Variants in POU6F2 observed in about 807,000 individuals in gnomAD.
The protein encoded by POU6F2 is POU class 6 homeobox 2, also known as POU domain, class 6, transcription factor 2.
Under a neutral mutation model 71.3 loss-of-function variants are expected in POU6F2, and 31 were observed. That is an observed-to-expected ratio of 0.43 (90% CI 0.33 to 0.59). The LOEUF (loss-of-function observed/expected upper bound fraction) is 0.59, where lower values mean the gene tolerates loss of function less well. Ranked by LOEUF, POU6F2 falls within the 20% of genes least tolerant of loss-of-function variation. POU6F2 has a pLI of 0.04. For synonymous variants in POU6F2, 347 were observed against 355.7 expected (o/e 0.98, Z 0.27); for missense variants, 783 against 856.8 (o/e 0.91, Z 1.07).
chr7:39,087,734 C>A (rs567735004), intron 2 of POU6F2, among the ~76,000 whole-genome samples: 1 of 152,272 alleles, frequency 6.6e-6, no homozygotes, highest in East Asian at 1.9e-4. Flanking sequence ...CTAAACTTTG[C>A]ATGCATTTAA....
chr7:39,066,913 A>G (rs1242858936), intron 1 of POU6F2, among the ~76,000 whole-genome samples: 2 of 147,902 alleles, frequency 1.4e-5, no homozygotes, highest in Non-Finnish European at 3.0e-5. Flanking sequence ...ATAATATCAT[A>G]TTATTATAAC....
At chr7:39,286,954 T>TC (rs1784661666) in intron 4 of POU6F2, among the ~76,000 whole-genome samples, 1 of 136,878 alleles carries the variant, frequency 7.3e-6, no homozygotes, top group African/African-American at 2.6e-5. Context: ...TTTTTTTTTT[T>TC]CCATAAGGCA....
chr7:39,433,397 A>C, intron 7 of POU6F2, 114 bp downstream of exon 7: 15 of 1,124,044 alleles, frequency 1.3e-5, no homozygotes, highest in East Asian at 2.6e-5. Flanking sequence ...AGTTGATCTC[A>C]CTCATCTGAA....
intron 6 of POU6F2, among the ~76,000 whole-genome samples, chr7:39,432,601 A>G (rs1788133416): frequency 6.6e-6 from 1 of 151,978 alleles, no homozygotes; most frequent in African/African-American, 2.4e-5. Flanking sequence ...CGACATTGAG[A>G]GAGGAGCTGG....
chr7:39,004,270 G>A (rs1788993486), intron 1 of POU6F2, among the ~76,000 whole-genome samples: 1 of 152,080 alleles, frequency 6.6e-6, no homozygotes, highest in Non-Finnish European at 1.5e-5. Context: ...CAAGCTTTAG[G>A]GAGTTGGATT....
At chr7:39,228,665 A>T (rs1562755271) in intron 4 of POU6F2, among the ~76,000 whole-genome samples, 1 of 152,240 alleles carries the variant, frequency 6.6e-6, no homozygotes, top group Non-Finnish European at 1.5e-5. Context: ...TTGGCTTTCC[A>T]TCCTGTCCAT....
intron 5 of POU6F2, among the ~76,000 whole-genome samples, chr7:39,405,703 A>C (rs541386674): frequency 3.9e-5 from 6 of 152,216 alleles, no homozygotes; most frequent in Admixed American, 2.6e-4. Context: ...TTGAAGCCAC[A>C]CTTCTGCCTC....
chr7:39,460,579 G>T lies in POU6F2; in HGVS notation c.1522G>T (p.Val508Phe). 1 of 1,613,630 alleles carries T rather than the reference G, an allele frequency of 6.2e-7. No homozygotes were observed. Among genetic ancestry groups the T allele is most frequent in the Non-Finnish European group, 8.5e-7 (1 of 1,179,778 alleles). ...AACGGCAGCGGGTGAGGTGGATGGG[G>T]TTAATCTGGAGGAGATCCGAGAATT... is the stretch of plus-strand genomic sequence containing the variant. Reference protein sequence around the residue: ...PQTAAGEVDGVNLEEIREFAK... With the variant: ...PQTAAGEVDGFNLEEIREFAK... Residue 508 changes from valine (V) to phenylalanine (F), a missense_variant, in exon 9 of 10, where the codon GTT becomes TTT. Transcript: ENST00000518318. This position sits in a 1 kb window ranked among gnomAD's most constrained non-coding sequence, Gnocchi z 4.4.
chr7:39,004,489 CCCA>C (rs1789001215), intron 1 of POU6F2, among the ~76,000 whole-genome samples: 2 of 152,142 alleles, frequency 1.3e-5, no homozygotes, highest in Non-Finnish European at 2.9e-5. Context: ...CCAGGACAAG[CCCA>C]GTGAATGAGC....
chr7:39,244,041 T>C (rs1783774618), intron 4 of POU6F2, among the ~76,000 whole-genome samples: 5 of 152,166 alleles, frequency 3.3e-5, no homozygotes, highest in Admixed American at 3.3e-4. Flanking sequence ...CCTGGTAATG[T>C]CCATTATAAG....
chr7:39,372,224 G>A (rs1439629125), intron 5 of POU6F2, among the ~76,000 whole-genome samples: 1 of 152,076 alleles, frequency 6.6e-6, no homozygotes, highest in Admixed American at 6.6e-5. Flanking sequence ...CCTGGCCAAG[G>A]ATATTCTTTA....
chr7:38,990,146 A>AT (rs1788568788), intron 1 of POU6F2, among the ~76,000 whole-genome samples: 1 of 152,116 alleles, frequency 6.6e-6, no homozygotes. Flanking sequence ...TTCTAAATTC[A>AT]TTTTTATGAA....
At chr7:39,447,585 A>G (rs1788553870) in intron 7 of POU6F2, among the ~76,000 whole-genome samples, 1 of 152,234 alleles carries the variant, frequency 6.6e-6, no homozygotes, top group African/African-American at 2.4e-5. Flanking sequence ...AGGATTTTAA[A>G]TAATATACAC....
chr7:39,283,452 AACC>A (rs1278112974), intron 4 of POU6F2, among the ~76,000 whole-genome samples: 11 of 152,166 alleles, frequency 7.2e-5, no homozygotes, highest in Non-Finnish European at 1.5e-4. Flanking sequence ...AGCCCTTGAC[AACC>A]ACCATTCTAC....
intron 2 of POU6F2, among the ~76,000 whole-genome samples, chr7:39,200,150 T>C (rs1793868221): frequency 6.6e-6 from 1 of 152,220 alleles, no homozygotes; most frequent in Non-Finnish European, 1.5e-5. Context: ...CAGACCCATC[T>C]GCCATTCAGA....
In POU6F2 at chr7:39,084,099, C is replaced by T. The variant is rs568609506; in HGVS notation, c.106-1761C>T. ...AAGCCAGTCTTTCTCTCTCCCTCAT[C>T]CCCCTCCTTTCTCGCTGTCTCTCTC... On this transcript the variant is annotated intron_variant, in intron 1 of 9. Transcript: ENST00000518318. Among the ~76,000 whole-genome samples the T allele has an allele frequency of 1.2e-4, 19 of 152,260 alleles. No individual in the cohort carries two copies. In the East Asian group the frequency reaches 3.5e-3, roughly 28 times the overall value.
intron 5 of POU6F2, among the ~76,000 whole-genome samples, chr7:39,342,752 G>A (rs1039727896): frequency 3.1e-4 from 47 of 152,210 alleles, no homozygotes; most frequent in African/African-American, 1.1e-3. Flanking sequence ...AGTGTTGGTA[G>A]GTAGTAACAC....
At chr7:39,418,363 C>T (rs1787731146) in intron 6 of POU6F2, among the ~76,000 whole-genome samples, 2 of 152,240 alleles carry the variant, frequency 1.3e-5, no homozygotes, top group South Asian at 4.1e-4. Flanking sequence ...GCACTATCAT[C>T]TCTAATTTAC....
intron 2 of POU6F2, 143 bp downstream of exon 2, chr7:39,086,174 A>C (rs1018164408): frequency 2.3e-5 from 20 of 857,242 alleles, no homozygotes; most frequent in Non-Finnish European, 6.8e-6. Flanking sequence ...GTGCTAAGCC[A>C]CTGAAGCTGA....
Sources: allele counts gnomAD v4.1 joint callset (sites outside exome capture counted in the v4.1 genomes callset), GRCh38; gene constraint gnomAD v4.1.1; non-coding constraint Gnocchi (gnomAD v3.1); transcripts MANE v1.5; gene names NCBI Gene and HGNC (gene_info 2026-07-23, HGNC 2026-07-21).